Variants in PTPRD observed in about 807,000 individuals in gnomAD.
PTPRD encodes the protein receptor-type tyrosine-protein phosphatase delta.
Under a neutral mutation model 214.5 loss-of-function variants are expected in PTPRD, and 34 were observed. The ratio of observed to expected loss-of-function variants is 0.16; its 90% CI spans 0.12 to 0.21. PTPRD has a LOEUF of 0.21. Ranked by LOEUF, PTPRD falls within the 10% of genes least tolerant of loss-of-function variation. The pLI is 1.00. For synonymous variants in PTPRD, 1,128 were observed against 845.7 expected (o/e 1.33, Z -5.79); for missense variants, 2,545 against 2,398.7 (o/e 1.06, Z -1.27).
chr9:9,386,798 T>C (rs963948113), intron 9 of PTPRD, among the ~76,000 whole-genome samples: 2 of 152,106 alleles, frequency 1.3e-5, no homozygotes, highest in Non-Finnish European at 2.9e-5. Context: ...TTATAGTTTA[T>C]AGGTCTGAGG....
At chr9:10,275,643 C>T (rs1321703411) in intron 3 of PTPRD, among the ~76,000 whole-genome samples, 1 of 152,172 alleles carries the variant, frequency 6.6e-6, no homozygotes, top group African/African-American at 2.4e-5. Flanking sequence ...TCCATTCCCT[C>T]TCTTTCAAGG....
At position 10,215,135 on chromosome 9, in the gene PTPRD, A is replaced by G. The variant is rs868777109; in HGVS notation, c.-545+125828T>C. ...TTTCTCAAAATTTTAAGATACTATT[A>G]TCGACAAAAATTATGAAACAGATGA... On this transcript the variant is annotated intron_variant, in intron 3 of 45. Coordinates refer to ENST00000381196, the MANE Select transcript of PTPRD (RefSeq NM_002839.4). 2.6e-5 allele frequency among the ~76,000 whole-genome samples: 4 copies of G among 152,150 alleles called. 1 individual carries two copies. The Middle Eastern group carries it at 0.01, about 388-fold the overall frequency.
chr9:8,725,120 G>C (rs1403900251), intron 12 of PTPRD, among the ~76,000 whole-genome samples: 1 of 152,092 alleles, frequency 6.6e-6, no homozygotes, highest in South Asian at 2.1e-4. Flanking sequence ...GAAAATTCCT[G>C]TATGATTGTT....
intron 30 of PTPRD, among the ~76,000 whole-genome samples, chr9:8,478,060 G>A (rs377007598): frequency 6.6e-6 from 1 of 152,260 alleles, no homozygotes; most frequent in East Asian, 1.9e-4. Flanking sequence ...CCCTCTGTTC[G>A]TATTAACCAT....
intron 3 of PTPRD, among the ~76,000 whole-genome samples, chr9:10,255,532 G>C (rs1353165508): frequency 6.6e-6 from 1 of 152,202 alleles, no homozygotes; most frequent in Non-Finnish European, 1.5e-5. Context: ...ATCTAGGTGA[G>C]AGGTGCGCGA....
intron 16 of PTPRD, 137 bp from the exon 17 acceptor site, chr9:8,526,781 A>C: frequency 1.6e-6 from 1 of 608,268 alleles, no homozygotes; most frequent in Non-Finnish European, 2.7e-6. Flanking sequence ...TTGAATTACT[A>C]TATTGGTAAA....
chr9:9,161,799 G>C (rs1303941419), intron 10 of PTPRD, among the ~76,000 whole-genome samples: 3 of 151,814 alleles, frequency 2.0e-5, no homozygotes, highest in African/African-American at 7.3e-5. Context: ...TCTCTAAATG[G>C]TAAACTATGT....
At chr9:8,519,317 T>G (rs574957594) in intron 20 of PTPRD, among the ~76,000 whole-genome samples, 12 of 152,224 alleles carry the variant, frequency 7.9e-5, no homozygotes, top group Non-Finnish European at 1.6e-4. Context: ...TTCTTTCTTT[T>G]TAGCAGAAGA....
intron 8 of PTPRD, among the ~76,000 whole-genome samples, chr9:9,533,750 C>A (rs2075973907): frequency 6.6e-6 from 1 of 151,818 alleles, no homozygotes; most frequent in Non-Finnish European, 1.5e-5. Flanking sequence ...TCATGAAGAC[C>A]ATTGAGCAAA....
At chr9:10,427,662 C>T (rs1278113854) in intron 2 of PTPRD, among the ~76,000 whole-genome samples, 2 of 152,032 alleles carry the variant, frequency 1.3e-5, no homozygotes, top group East Asian at 3.9e-4. Context: ...TAGTTTCTGT[C>T]CCGATTAGAT....
intron 5 of PTPRD, among the ~76,000 whole-genome samples, chr9:9,796,021 T>C (rs1451754385): frequency 6.6e-6 from 1 of 152,178 alleles, no homozygotes; most frequent in Non-Finnish European, 1.5e-5. Context: ...AGAATTATAT[T>C]AAGAAAAAGA....
intron 24 of PTPRD, 64 bp downstream of exon 24, chr9:8,500,690 T>C (rs10815890): frequency 6.0e-5 from 91 of 1,513,020 alleles, no homozygotes; most frequent in Middle Eastern, 4.4e-4. Context: ...TGTGAGCCTA[T>C]TGAAAGACAG....
intron 11 of PTPRD, among the ~76,000 whole-genome samples, chr9:8,970,092 T>C (rs1334725824): frequency 6.6e-6 from 1 of 151,944 alleles, no homozygotes; most frequent in Non-Finnish European, 1.5e-5. Flanking sequence ...AAAGGGTATG[T>C]GGAGTTGCCA....
chr9:9,175,313 C>T (rs768329756), intron 10 of PTPRD, among the ~76,000 whole-genome samples: 1 of 151,908 alleles, frequency 6.6e-6, no homozygotes, highest in Non-Finnish European at 1.5e-5. Flanking sequence ...GTTTGTCAAT[C>T]GTACAAAAGA....
intron 9 of PTPRD, among the ~76,000 whole-genome samples, chr9:9,368,416 T>G (rs1022488319): frequency 1.3e-5 from 2 of 151,820 alleles, no homozygotes; most frequent in African/African-American, 4.8e-5. Flanking sequence ...TACATTTGCA[T>G]CCTTTCATCT....
chr9:9,842,881 C>T (rs1395006103), intron 5 of PTPRD, among the ~76,000 whole-genome samples: 5 of 151,830 alleles, frequency 3.3e-5, no homozygotes, highest in Non-Finnish European at 5.9e-5. Context: ...AACAGTAGTA[C>T]TTGTGATATT....
At chr9:10,603,718 A>G (rs1196746326) in intron 2 of PTPRD, among the ~76,000 whole-genome samples, 1 of 151,862 alleles carries the variant, frequency 6.6e-6, no homozygotes, top group East Asian at 1.9e-4. Flanking sequence ...GGCTATTATT[A>G]TTACCTTCTA....
At chr9:9,058,837 G>A (rs1438825135) in intron 10 of PTPRD, among the ~76,000 whole-genome samples, 2 of 152,106 alleles carry the variant, frequency 1.3e-5, no homozygotes, top group Non-Finnish European at 2.9e-5. Context: ...ATGACGGCAA[G>A]GTTAGCTTTG....
At chr9:9,092,671 G>A (rs10977480) in intron 10 of PTPRD, among the ~76,000 whole-genome samples, 17,471 of 151,948 alleles carry the variant, frequency 0.11, 1,208 homozygotes, top group East Asian at 0.22. Context: ...ATCCACAGTT[G>A]ACTGAAATAG....
Sources: allele counts gnomAD v4.1 joint callset (sites outside exome capture counted in the v4.1 genomes callset), GRCh38; gene constraint gnomAD v4.1.1; transcripts MANE v1.5; gene names NCBI Gene and HGNC (gene_info 2026-07-23, HGNC 2026-07-21).